HIPK1: variants seen among roughly 807,000 people sequenced by gnomAD.
HIPK1 encodes the protein homeodomain-interacting protein kinase 1.
A neutral mutation model predicts 117.1 loss-of-function variants in HIPK1; 28 were observed. That is an observed-to-expected ratio of 0.24 (90% CI 0.18 to 0.33). The LOEUF (loss-of-function observed/expected upper bound fraction) is 0.33, where lower values mean the gene tolerates loss of function less well. Among genes scored for constraint, HIPK1 ranks in the 10% least tolerant of loss-of-function variants. HIPK1 has a pLI of 1.00. For missense variants in HIPK1, 1,122 were observed against 1,475.1 expected, an observed-to-expected ratio of 0.76 and a Z score of 3.92; for synonymous variants, 605 against 562.5, an observed-to-expected ratio of 1.08 and a Z score of -1.07.
rs768426926 is a variant in HIPK1, at chr1:113,940,580, A to G, written c.197A>G (p.Asn66Ser). 110 of 1,614,020 alleles carry G rather than the reference A, an allele frequency of 6.8e-5. No homozygotes were observed. In the South Asian group the frequency reaches 7.7e-4, roughly 11 times the overall value. ...TCCTCTCACCAGGTAGCAAATTTCA[A>G]CATCCCTGCTTACGACCAGGGCCTC... ...ANSSHQVANF[N>S]IPAYDQGLLL... Residue 66 changes from asparagine (N) to serine (S), a missense_variant, in exon 2 of 16, where the codon AAC (asparagine) becomes AGC (serine). By Grantham distance (46) the Asn-to-Ser change is conservative. This residue lies in a region of HIPK1 where 192 missense variants were observed against 234.0 expected (regional missense o/e 0.82). Transcript: ENST00000426820.
At position 113,967,881 on chromosome 1, in the gene HIPK1, G is replaced by A; in HGVS notation, c.2497G>A (p.Val833Ile). ...QPLNVGVAHV[V>I]RQQQSSSLPS... ...TCTGAATGTTGGTGTTGCCCATGTTGTCAGACAACAACAATCCAGTTCCCT... is the reference window on the plus strand; with the variant it reads ...TCTGAATGTTGGTGTTGCCCATGTTATCAGACAACAACAATCCAGTTCCCT... Residue 833 changes from valine to isoleucine, a missense_variant, in exon 12 of 16, where the codon GTC becomes ATC. Around this residue, in one of 6 missense-constraint regions of HIPK1, gnomAD observed 731 missense variants for 860.4 expected, o/e 0.85. Coordinates refer to ENST00000426820, the MANE Select transcript of HIPK1 (RefSeq NM_198268.3). The A allele has an allele frequency of 6.2e-7, 1 of 1,611,850 alleles. No individual in the cohort carries two copies. The highest frequency in any genetic ancestry group is 1.1e-5 in the South Asian group (1 of 90,596).
chr1:113,929,488 T>C lies in HIPK1; in HGVS notation c.-47T>C. On this transcript the variant is annotated 5_prime_UTR_variant, in exon 1 of 16. Coordinates refer to ENST00000426820, the MANE Select transcript of HIPK1 (RefSeq NM_198268.3). ...CACCGACTCCTACTGCAATCAGTAC[T>C]ATGCGATCGTCCTAGAGAGTCCATT... 7.8e-7 allele frequency: 1 copy of C among 1,289,394 alleles called. No individual in the cohort carries two copies. Among genetic ancestry groups the C allele is most frequent in the Non-Finnish European group, 1.0e-6 (1 of 988,852 alleles). 79.9% of individuals were successfully genotyped at this position (1,289,394 alleles called of 1,614,324 possible).
rs368547650 is a variant in HIPK1, at chr1:113,973,345, G to A, written c.3466G>A (p.Val1156Ile). The A allele has an allele frequency of 1.1e-5, 18 of 1,613,992 alleles. No individual in the cohort carries two copies. The highest frequency in any genetic ancestry group is 1.4e-5 in the Non-Finnish European group (17 of 1,180,028). Residue 1156 changes from valine (V) to isoleucine (I), a missense_variant, in exon 16 of 16, where the codon GTC becomes ATC. Coordinates refer to ENST00000426820, the MANE Select transcript of HIPK1 (RefSeq NM_198268.3). ...TTHPSTLVHQ[V>I]PVSVGPSLLT... ...TCACCCTAGCACTTTGGTGCACCAG[G>A]TCCCTGTCAGTGTTGGGCCCAGCCT...
chr1:113,933,718 T>G (rs1481703844), intron 1 of HIPK1, among the ~76,000 whole-genome samples: 1 of 151,936 alleles, frequency 6.6e-6, no homozygotes, highest in Non-Finnish European at 1.5e-5. Context: ...TACAAAAAAA[T>G]TAGCTGGGCG....
intron 15 of HIPK1, 21 bp downstream of exon 15, chr1:113,971,975 C>T: frequency 1.2e-6 from 2 of 1,612,748 alleles, no homozygotes; most frequent in South Asian, 1.1e-5. Flanking sequence ...TGGGCTACTG[C>T]CTTCTGTTTG....
In HIPK1 at chr1:113,970,093, A is replaced by G. The variant is rs775031692; in HGVS notation, c.2909A>G (p.Glu970Gly). 10 of 1,614,102 alleles carry G rather than the reference A, an allele frequency of 6.2e-6. No homozygotes were observed. The South Asian group carries it at 1.1e-4, about 18-fold the overall frequency. ...ALRGNSGSVL[E>G]GPGRVVADGT... is the part of the protein sequence containing the mutation. The stretch of plus-strand genomic sequence containing the variant: ...CGAGGCAATAGTGGATCCGTTTTGG[A>G]GGGGCCTGGCAGAGTTGTGGCAGAT... Residue 970 changes from glutamate to glycine, a missense_variant, in exon 14 of 16, where the codon GAG (glutamate) becomes GGG (glycine). By Grantham distance (98) the Glu-to-Gly change is moderately conservative (BLOSUM62 -2). This residue lies in a region of HIPK1 where 731 missense variants were observed against 860.4 expected (regional missense o/e 0.85). Coordinates refer to ENST00000426820, the MANE Select transcript of HIPK1 (RefSeq NM_198268.3).
Position 113,962,353 on chromosome 1 carries a change from C to A in HIPK1, c.2018C>A (p.Pro673His). The change falls in exon 9 of 16, where the codon CCT (proline) becomes CAT (histidine). Residue 673 changes from proline to histidine, a missense_variant. Physicochemically the swap from Pro to His is moderately conservative, Grantham distance 77. Around this residue, in one of 6 missense-constraint regions of HIPK1, gnomAD observed 731 missense variants for 860.4 expected, o/e 0.85. Coordinates refer to ENST00000426820, the MANE Select transcript of HIPK1 (RefSeq NM_198268.3). ...LQATTKHSGF[P>H]VRMDNAVPIV... is the part of the protein sequence containing the mutation. ...GCAACAACAAAGCATTCTGGATTCCCTGTGAGGATGGATAATGCTGTACCG... is the reference window on the plus strand; with the variant it reads ...GCAACAACAAAGCATTCTGGATTCCATGTGAGGATGGATAATGCTGTACCG... The A allele has an allele frequency of 6.2e-7, 1 of 1,613,848 alleles. No homozygotes were observed. The highest frequency in any genetic ancestry group is 8.5e-7 in the Non-Finnish European group (1 of 1,179,820).
At position 113,954,749 on chromosome 1, in the gene HIPK1, G is replaced by A; in HGVS notation, c.1299G>A (p.Gly433=). Residue 433 remains glycine (G), a synonymous_variant, in exon 4 of 16, where the codon GGG becomes GGA. Transcript: ENST00000426820. ...TRFFNRDPNL[G]YPLWRLKTPE... ...TTTTCAACAGAGATCCTAATTTGGG[G>A]TACCCACTGTGGAGGCTTAAGGTCT... The A allele has an allele frequency of 6.2e-7, 1 of 1,614,034 alleles. No homozygotes were observed. Among genetic ancestry groups the A allele is most frequent in the Non-Finnish European group, 8.5e-7 (1 of 1,179,916 alleles).
At chr1:113,972,876 T>G in intron 15 of HIPK1, 148 bp from the exon 16 acceptor site, 1 of 782,782 alleles carries the variant, frequency 1.3e-6, no homozygotes, top group South Asian at 3.5e-5. Flanking sequence ...GTGGCTGATT[T>G]CTGACAGCAT....
intron 2 of HIPK1, among the ~76,000 whole-genome samples, chr1:113,950,633 G>A (rs1202630446): frequency 6.6e-6 from 1 of 152,114 alleles, no homozygotes. Context: ...CCTCTGAGTA[G>A]TTGGGATTAC....
rs1672994989 is a variant in HIPK1 at position 113,973,628 on chromosome 1, G to C, written c.*116G>C. 1 of 1,229,870 alleles carries C rather than the reference G, an allele frequency of 8.1e-7. No homozygotes were observed. The highest frequency in any genetic ancestry group is 1.5e-5 in the African/African-American group (1 of 65,734). The allele number at this position is 1,229,870 out of a possible 1,614,324, so 76.2% of individuals were successfully genotyped here. ...CTTGAAATTTCTTAGCCAGCAACTT[G>C]TTCTGCAGGGGCCCACTGAAGCAGA... On this transcript the variant is annotated 3_prime_UTR_variant, in exon 16 of 16. Coordinates refer to ENST00000426820, the MANE Select transcript of HIPK1 (RefSeq NM_198268.3).
At chr1:113,965,954 C>G (rs1226966096) in intron 10 of HIPK1, among the ~76,000 whole-genome samples, 176 bp from the exon 11 acceptor site, 1 of 152,268 alleles carries the variant, frequency 6.6e-6, no homozygotes, top group East Asian at 1.9e-4. Context: ...TGTTTTCTTT[C>G]CCCATTCATA....
chr1:113,949,890 G>A (rs1269459543), intron 2 of HIPK1, among the ~76,000 whole-genome samples: 1 of 152,042 alleles, frequency 6.6e-6, no homozygotes, highest in Non-Finnish European at 1.5e-5. Flanking sequence ...ATGAGCCACC[G>A]CACCCGGCCA....
At position 113,976,189 on chromosome 1, in the gene HIPK1, C is replaced by A. The variant is rs1673126988; in HGVS notation, c.*2677C>A. 6.6e-6 allele frequency: 1 copy of A among 152,624 alleles called. No individual in the cohort carries two copies. Among genetic ancestry groups the A allele is most frequent in the Non-Finnish European group, 1.5e-5 (1 of 68,012 alleles). 9.5% of individuals were successfully genotyped at this position (152,624 alleles called of 1,614,324 possible). Reference sequence around the variant, plus strand: ...GCCTACCAGGAACATGTTGTGTTTTCTTTATTTTTTAAAATCATTATATTG... The same window carrying A: ...GCCTACCAGGAACATGTTGTGTTTTATTTATTTTTTAAAATCATTATATTG... On this transcript the variant is annotated 3_prime_UTR_variant, in exon 16 of 16. Transcript: ENST00000426820.
chr1:113,934,741 G>A (rs1315055152), intron 1 of HIPK1, among the ~76,000 whole-genome samples: 4 of 144,440 alleles, frequency 2.8e-5, no homozygotes, highest in African/African-American at 7.7e-5. Flanking sequence ...TTTAGAGCAG[G>A]AGTTTGACAC....
intron 1 of HIPK1, chr1:113,932,344 A>G (rs1669949242): frequency 6.6e-6 from 1 of 151,218 alleles, no homozygotes; most frequent in South Asian, 2.1e-4. Flanking sequence ...AGCGCTGGGT[A>G]AAACTCGTTT....
intron 2 of HIPK1, among the ~76,000 whole-genome samples, chr1:113,944,469 T>A (rs1159413456): frequency 6.6e-6 from 1 of 150,414 alleles, no homozygotes; most frequent in Non-Finnish European, 1.5e-5. Flanking sequence ...TGGCCAATAA[T>A]AGTTTTTTTT....
chr1:113,958,025 TAC>T (rs1430030158), intron 7 of HIPK1, 39 bp from the exon 8 acceptor site: 10 of 1,359,082 alleles, frequency 7.4e-6, no homozygotes, highest in Admixed American at 1.7e-5. Flanking sequence ...TGTGTGTCTC[TAC>T]TTAATACAAG....
At chr1:113,972,349 A>AT (rs1447225423) in intron 15 of HIPK1, among the ~76,000 whole-genome samples, 2 of 152,214 alleles carry the variant, frequency 1.3e-5, no homozygotes, top group Non-Finnish European at 2.9e-5. Context: ...TGAAAAGCTC[A>AT]TTGGCCACCA....
Sources: allele counts gnomAD v4.1 joint callset (sites outside exome capture counted in the v4.1 genomes callset), GRCh38; gene constraint gnomAD v4.1.1; regional missense constraint gnomAD v4.1.1; transcripts MANE v1.5; gene names NCBI Gene and HGNC (gene_info 2026-07-23, HGNC 2026-07-21).